SLC36A1: variants seen among roughly 807,000 people sequenced by gnomAD.
SLC36A1 encodes solute carrier family 36 member 1, also known as proton-coupled amino acid transporter 1.
Under a neutral mutation model 47.5 loss-of-function variants are expected in SLC36A1, and 30 were observed. The ratio of observed to expected loss-of-function variants is 0.63; its 90% CI spans 0.47 to 0.86. SLC36A1 has a LOEUF of 0.86. Among genes scored for constraint, SLC36A1 ranks in the 40% least tolerant of loss-of-function variants. The probability of loss-of-function intolerance (pLI) is 0.00; values close to 1 mark genes in which losing one functional copy is unlikely to be tolerated. For missense variants in SLC36A1, 517 were observed against 606.0 expected, an observed-to-expected ratio of 0.85 and a Z score of 1.54; for synonymous variants, 255 against 249.7, an observed-to-expected ratio of 1.02 and a Z score of -0.20.
the SLC36A1 span, among the ~76,000 whole-genome samples, chr5:151,518,133 C>T: frequency 6.6e-6 from 1 of 151,994 alleles, no homozygotes; most frequent in Non-Finnish European, 1.5e-5. Flanking sequence ...AAGTTCGAGA[C>T]CAGCCTGGGC....
chr5:151,474,827 C>G (rs1201009699), intron 8 of SLC36A1, among the ~76,000 whole-genome samples: 1 of 152,192 alleles, frequency 6.6e-6, no homozygotes, highest in African/African-American at 2.4e-5. Flanking sequence ...TATTCCTGGC[C>G]AAGGGCGCCA....
the SLC36A1 span, among the ~76,000 whole-genome samples, chr5:151,501,697 A>G: frequency 6.7e-6 from 1 of 148,534 alleles, no homozygotes; most frequent in Middle Eastern, 3.4e-3. Flanking sequence ...ATTATTTACT[A>G]TCTTCATTTT....
chr5:151,529,273 T>A, the SLC36A1 span: 1 of 1,614,120 alleles, frequency 6.2e-7, no homozygotes. Context: ...ACATCAGTGA[T>A]GTTGACCATG....
intron 9 of SLC36A1, among the ~76,000 whole-genome samples, chr5:151,477,875 G>A (rs1758294083): frequency 6.6e-6 from 1 of 152,152 alleles, no homozygotes; most frequent in South Asian, 2.1e-4. Context: ...AGCCATAGAG[G>A]AGAATCTGTC....
chr5:151,539,871 G>T, the SLC36A1 span, among the ~76,000 whole-genome samples: 1 of 152,174 alleles, frequency 6.6e-6, no homozygotes, highest in African/African-American at 2.4e-5. Context: ...CCTTAGGAAA[G>T]TATCCCTCAC....
the SLC36A1 span, among the ~76,000 whole-genome samples, chr5:151,532,336 A>C: frequency 6.6e-6 from 1 of 152,176 alleles, no homozygotes; most frequent in Non-Finnish European, 1.5e-5. Context: ...GGTGTTGGTT[A>C]CAAGAATCTA....
the SLC36A1 span, chr5:151,381,100 C>T: frequency 4.0e-6 from 2 of 497,222 alleles, no homozygotes; most frequent in Non-Finnish European, 7.5e-6. Flanking sequence ...ATGTCACCAC[C>T]TCTGCCATCC....
At chr5:151,435,575 T>C (rs575572261), upstream of SLC36A1, among the ~76,000 whole-genome samples, 1 of 152,290 alleles carries the variant, frequency 6.6e-6, no homozygotes, top group African/African-American at 2.4e-5. Context: ...AGAGATTTTT[T>C]TAAGTGCCTA....
At chr5:151,364,115 G>T in the SLC36A1 span, among the ~76,000 whole-genome samples, 1 of 152,178 alleles carries the variant, frequency 6.6e-6, no homozygotes, top group Non-Finnish European at 1.5e-5. Context: ...TGCTAGTTTT[G>T]ATAAATTTTA....
At chr5:151,493,680 G>A (rs1289673466), downstream of SLC36A1, among the ~76,000 whole-genome samples, 1 of 152,182 alleles carries the variant, frequency 6.6e-6, no homozygotes. Context: ...AAGAGATTTA[G>A]CAGCTACGCC....
the SLC36A1 span, among the ~76,000 whole-genome samples, chr5:151,396,303 A>G: frequency 1.3e-5 from 2 of 150,938 alleles, no homozygotes; most frequent in Non-Finnish European, 2.9e-5. Flanking sequence ...GGGTTTCACC[A>G]TATTGGCCAG....
chr5:151,431,812 G>A, the SLC36A1 span, among the ~76,000 whole-genome samples: 1 of 152,170 alleles, frequency 6.6e-6, no homozygotes, highest in Non-Finnish European at 1.5e-5. Flanking sequence ...GTGTCTTTAT[G>A]AGCAGCGTGA....
the SLC36A1 span, chr5:151,505,340 T>G: frequency 1.7e-6 from 1 of 592,350 alleles, no homozygotes; most frequent in Admixed American, 3.2e-5. Flanking sequence ...GAAATGCCCC[T>G]CTCCTGGGAC....
chr5:151,512,901 G>T, the SLC36A1 span: 1 of 406,874 alleles, frequency 2.5e-6, no homozygotes, highest in Non-Finnish European at 4.5e-6. This position sits in a 1 kb window ranked among gnomAD's most constrained non-coding sequence, Gnocchi z 4.1. Context: ...CTGTATTTTG[G>T]ATGCTTCTTC....
the SLC36A1 span, among the ~76,000 whole-genome samples, chr5:151,367,358 T>C: frequency 9.0e-6 from 1 of 111,432 alleles, no homozygotes; most frequent in Admixed American, 7.9e-5. Flanking sequence ...CCCCCAGGAA[T>C]GCATTTTTTT....
At chr5:151,368,828 G>A in the SLC36A1 span, among the ~76,000 whole-genome samples, 1 of 152,152 alleles carries the variant, frequency 6.6e-6, no homozygotes. Context: ...ACCTCTTCAG[G>A]AACTTAGTCC....
the SLC36A1 span, among the ~76,000 whole-genome samples, chr5:151,497,699 C>G: frequency 6.6e-6 from 1 of 152,174 alleles, no homozygotes; most frequent in Non-Finnish European, 1.5e-5. Flanking sequence ...CCATTTGGGG[C>G]TGCAGAATTC....
the SLC36A1 span, among the ~76,000 whole-genome samples, chr5:151,536,649 C>T: frequency 6.6e-6 from 1 of 152,234 alleles, no homozygotes; most frequent in Non-Finnish European, 1.5e-5. Flanking sequence ...CCACTCTGCT[C>T]TATCTCTTGG....
At chr5:151,412,340 T>G in the SLC36A1 span, among the ~76,000 whole-genome samples, 1 of 144,846 alleles carries the variant, frequency 6.9e-6, no homozygotes, top group Non-Finnish European at 1.5e-5. Flanking sequence ...TGCAGAAATT[T>G]TCTGTGTGAT....
Sources: allele counts gnomAD v4.1 joint callset (sites outside exome capture counted in the v4.1 genomes callset), GRCh38; gene constraint gnomAD v4.1.1; non-coding constraint Gnocchi (gnomAD v3.1); transcripts MANE v1.5; gene names NCBI Gene and HGNC (gene_info 2026-07-23, HGNC 2026-07-21).